Variants in SYT1 observed in about 807,000 individuals in gnomAD.
The protein encoded by SYT1 is synaptotagmin-1.
A neutral mutation model predicts 44.8 loss-of-function variants in SYT1; 8 were observed. The observed-to-expected ratio is 0.18, with a 90% confidence interval of 0.10 to 0.32. SYT1 has a LOEUF of 0.32. Among genes scored for constraint, SYT1 ranks in the 10% least tolerant of loss-of-function variants. The pLI, the probability that SYT1 is intolerant of heterozygous loss-of-function variation, is 1.00. For synonymous variants in SYT1, 154 were observed against 188.8 expected (o/e 0.82, Z 1.51); for missense variants, 286 against 509.3 (o/e 0.56, Z 4.22).
intron 10 of SYT1, among the ~76,000 whole-genome samples, chr12:79,446,697 TACA>T (rs1870754744): frequency 1.3e-5 from 2 of 152,190 alleles, no homozygotes; most frequent in Admixed American, 1.3e-4. Context: ...CAACATCTGT[TACA>T]TAAGTAAATG....
chr12:79,363,577 A>AT (rs1391277693), intron 9 of SYT1, among the ~76,000 whole-genome samples: 2 of 151,350 alleles, frequency 1.3e-5, no homozygotes, highest in African/African-American at 4.9e-5. Flanking sequence ...AAAATTAAAA[A>AT]AAAAAAAAAT....
intron 1 of SYT1, among the ~76,000 whole-genome samples, chr12:78,876,912 AT>A (rs1306605189): frequency 3.4e-5 from 4 of 119,060 alleles, no homozygotes; most frequent in Admixed American, 1.1e-4. Context: ...TATTATATGT[AT>A]TATATATAAT....
chr12:79,303,291 T>A lies in SYT1; in HGVS notation c.810+3740T>A, dbSNP rs990772291. Reference sequence around the variant, plus strand: ...ATCAAAGTATTTAAACTCTTTTTATTTTAACATTTTGTTCCTATTTATAAA... The same window carrying A: ...ATCAAAGTATTTAAACTCTTTTTATATTAACATTTTGTTCCTATTTATAAA... On this transcript the variant is annotated intron_variant, in intron 8 of 10. Transcript: ENST00000261205. Among the ~76,000 whole-genome samples the A allele has an allele frequency of 9.2e-5, 14 of 152,282 alleles. No individual in the cohort carries two copies. The South Asian group carries it at 2.9e-3, about 32-fold the overall frequency.
chr12:79,369,688 T>A (rs557254139), intron 9 of SYT1, among the ~76,000 whole-genome samples: 13 of 152,358 alleles, frequency 8.5e-5, no homozygotes, highest in African/African-American at 2.6e-4. Context: ...TATGTAGATG[T>A]ACCTGTATCT....
chr12:79,150,303 C>T (rs1212920824), intron 3 of SYT1, among the ~76,000 whole-genome samples: 3 of 152,084 alleles, frequency 2.0e-5, no homozygotes, highest in African/African-American at 4.8e-5. Flanking sequence ...TTTGCAACAA[C>T]ATGAATGAAC....
chr12:79,124,210 C>T (rs111835259), intron 3 of SYT1, among the ~76,000 whole-genome samples: 1 of 152,316 alleles, frequency 6.6e-6, no homozygotes, highest in African/African-American at 2.4e-5. Context: ...AGTAGGTTGC[C>T]TTTCAAAATT....
At chr12:78,875,437 A>T (rs1294460155) in intron 1 of SYT1, among the ~76,000 whole-genome samples, 2 of 151,552 alleles carry the variant, frequency 1.3e-5, no homozygotes, top group Non-Finnish European at 3.0e-5. Flanking sequence ...AATAAAACAG[A>T]GCAATAGTGG....
At chr12:79,114,332 G>C (rs1473109117) in intron 3 of SYT1, among the ~76,000 whole-genome samples, 1 of 152,108 alleles carries the variant, frequency 6.6e-6, no homozygotes, top group Non-Finnish European at 1.5e-5. Flanking sequence ...CCCTTGTCAG[G>C]AAAGCTTAGA....
chr12:79,065,316 G>A (rs1324281846), intron 3 of SYT1, among the ~76,000 whole-genome samples: 1 of 152,164 alleles, frequency 6.6e-6, no homozygotes, highest in East Asian at 1.9e-4. Context: ...TCCGGGAGGT[G>A]AAGGATATAG....
chr12:78,883,481 G>A (rs1405011975), intron 1 of SYT1, among the ~76,000 whole-genome samples: 2 of 151,624 alleles, frequency 1.3e-5, no homozygotes, highest in African/African-American at 2.4e-5. Context: ...TCTCTTCCAA[G>A]GTGAAATATG....
intron 1 of SYT1, among the ~76,000 whole-genome samples, chr12:78,949,388 A>G (rs543489175): frequency 5.3e-5 from 8 of 152,018 alleles, no homozygotes; most frequent in East Asian, 1.9e-4. Context: ...GTGCAGGTCA[A>G]TGATAACGAG....
chr12:79,095,958 C>T (rs1347608708), intron 3 of SYT1, among the ~76,000 whole-genome samples: 7 of 151,842 alleles, frequency 4.6e-5, no homozygotes, highest in Non-Finnish European at 1.0e-4. Flanking sequence ...AGCCTGATGG[C>T]TGACGTTTTC....
At chr12:79,189,943 A>G (rs1191618017) in intron 3 of SYT1, among the ~76,000 whole-genome samples, 1 of 152,122 alleles carries the variant, frequency 6.6e-6, no homozygotes, top group Admixed American at 6.6e-5. Context: ...GCACACAGTC[A>G]CACAAGTGAA....
intron 3 of SYT1, among the ~76,000 whole-genome samples, chr12:79,075,949 G>C (rs754899512): frequency 2.6e-5 from 4 of 152,014 alleles, no homozygotes; most frequent in African/African-American, 9.7e-5. Flanking sequence ...CCCATAGCTA[G>C]GTTTGTAGCT....
At chr12:78,886,622 C>T (rs985362169) in intron 1 of SYT1, among the ~76,000 whole-genome samples, 11 of 152,088 alleles carry the variant, frequency 7.2e-5, no homozygotes, top group Non-Finnish European at 4.4e-5. Context: ...GTTTTTAATA[C>T]ACAGTCAGCA....
At chr12:78,960,145 T>C (rs915297001) in intron 1 of SYT1, 1 of 152,228 alleles carries the variant, frequency 6.6e-6, no homozygotes, top group African/African-American at 2.4e-5. Context: ...CTCATATGTT[T>C]TTCTGGGAGT....
chr12:79,242,992 G>A (rs1427012851), intron 4 of SYT1, among the ~76,000 whole-genome samples: 2 of 152,328 alleles, frequency 1.3e-5, no homozygotes, highest in East Asian at 3.9e-4. Context: ...AATCATGGCA[G>A]AAGATGAAGG....
intron 3 of SYT1, among the ~76,000 whole-genome samples, chr12:79,169,990 C>A (rs1871419977): frequency 1.3e-5 from 2 of 151,984 alleles, no homozygotes; most frequent in Non-Finnish European, 2.9e-5. Context: ...AGGTTAATGG[C>A]CTTCAGCTCC....
intron 9 of SYT1, among the ~76,000 whole-genome samples, chr12:79,439,427 A>G (rs1870275970): frequency 6.6e-6 from 1 of 152,150 alleles, no homozygotes; most frequent in Admixed American, 6.5e-5. Flanking sequence ...AAAATGAACC[A>G]GTTGTTTAGA....
Sources: allele counts gnomAD v4.1 joint callset (sites outside exome capture counted in the v4.1 genomes callset), GRCh38; gene constraint gnomAD v4.1.1; transcripts MANE v1.5; gene names NCBI Gene and HGNC (gene_info 2026-07-23, HGNC 2026-07-21).